The following EPC1 variants were observed in gnomAD, a reference collection of about 807,000 sequenced individuals.
EPC1 encodes the protein enhancer of polycomb 1.
Under a neutral mutation model 98.4 loss-of-function variants are expected in EPC1, and 12 were observed. That is an observed-to-expected ratio of 0.12 (90% CI 0.08 to 0.20). The LOEUF (loss-of-function observed/expected upper bound fraction) is 0.20, where lower values mean the gene tolerates loss of function less well. Ranked by LOEUF, EPC1 falls within the 10% of genes least tolerant of loss-of-function variation. EPC1 has a pLI of 1.00. For synonymous variants in EPC1, 357 were observed against 363.9 expected (o/e 0.98, Z 0.21); for missense variants, 729 against 990.5 (o/e 0.74, Z 3.54).
upstream of EPC1, among the ~76,000 whole-genome samples, chr10:32,347,762 C>T (rs1838953395): frequency 6.6e-6 from 1 of 152,236 alleles, no homozygotes; most frequent in Non-Finnish European, 1.5e-5. Context: ...GCAGATGCTA[C>T]TTTGAGTAAA....
intron 10 of EPC1, chr10:32,283,826 C>A (rs1304949441): frequency 6.6e-6 from 1 of 152,096 alleles, no homozygotes; most frequent in Non-Finnish European, 1.5e-5. Flanking sequence ...TTGGGGGGTG[C>A]CCCTAACCCT....
At position 32,355,463 on chromosome 10, in the gene EPC1, G is replaced by A. The variant is rs981061494; in HGVS notation, c.3+23028C>T. Among the ~76,000 whole-genome samples the A allele has an allele frequency of 6.6e-5, 10 of 152,156 alleles. No individual in the cohort carries two copies. In the South Asian group the frequency reaches 1.9e-3, roughly 28 times the overall value. On this transcript the variant is annotated intron_variant, in intron 1 of 13. Coordinates refer to the EPC1 transcript ENST00000375110. The stretch of plus-strand genomic sequence containing the variant: ...ATATTTGGTGGTATTTATCTAAACT[G>A]GATTACGTTAAATTACTGTCAACCC...
chr10:32,299,929 T>A (rs1009502321), intron 2 of EPC1, among the ~76,000 whole-genome samples: 5 of 152,146 alleles, frequency 3.3e-5, no homozygotes, highest in Non-Finnish European at 5.9e-5. Flanking sequence ...TTTTTTTTAT[T>A]TTGAGACGGA....
At chr10:32,354,800 A>C (rs568481029) in intron 1 of EPC1, among the ~76,000 whole-genome samples, 2 of 152,150 alleles carry the variant, frequency 1.3e-5, no homozygotes, top group East Asian at 3.9e-4. Flanking sequence ...CCCAAGCTTC[A>C]CCCGGCATTA....
chr10:32,286,658 A>C (rs777475572), intron 9 of EPC1, 36 bp downstream of exon 9: 5 of 1,610,380 alleles, frequency 3.1e-6, no homozygotes, highest in Non-Finnish European at 3.4e-6. Flanking sequence ...CTAATGCCTA[A>C]AATATCCTTC....
intron 1 of EPC1, among the ~76,000 whole-genome samples, chr10:32,320,929 C>A (rs1337478823): frequency 6.6e-6 from 1 of 151,890 alleles, no homozygotes; most frequent in African/African-American, 2.4e-5. Context: ...TTTGGTGGGA[C>A]CTGATCTTTA....
intron 2 of EPC1, among the ~76,000 whole-genome samples, chr10:32,297,234 T>C (rs1179883205): frequency 6.6e-6 from 1 of 151,960 alleles, no homozygotes; most frequent in Admixed American, 6.6e-5. Flanking sequence ...GGTCATCTTT[T>C]CTAATTAAGT....
Position 32,268,989 on chromosome 10 carries a change from T to A in EPC1, c.*74A>T. On this transcript the variant is annotated 3_prime_UTR_variant, in exon 14 of 14. Coordinates refer to ENST00000319778, the MANE Select transcript of EPC1 (RefSeq NM_001272004.3). ...GAAACGCATGTGCTGCTTTCCATCA[T>A]CCCTTGCATTCAAAATGCTACTGAT... 5 of 1,236,102 alleles carry A rather than the reference T, an allele frequency of 4.0e-6. No individual in the cohort carries two copies. Among genetic ancestry groups the A allele is most frequent in the African/African-American group, 1.5e-5 (1 of 67,032 alleles). The allele number at this position is 1,236,102 out of a possible 1,614,324, so 76.6% of individuals were successfully genotyped here.
At chr10:32,341,257 C>T (rs1838326148) in intron 1 of EPC1, among the ~76,000 whole-genome samples, 1 of 152,100 alleles carries the variant, frequency 6.6e-6, no homozygotes, top group South Asian at 2.1e-4. Context: ...GAAATCACAT[C>T]TTTACATACA....
chr10:32,373,395 GT>G (rs1160002854), intron 1 of EPC1, among the ~76,000 whole-genome samples: 9 of 152,112 alleles, frequency 5.9e-5, no homozygotes, highest in Non-Finnish European at 1.0e-4. Context: ...AGATACTAAT[GT>G]TTTAATCACT....
chr10:32,375,310 C>T (rs992665921), intron 1 of EPC1, among the ~76,000 whole-genome samples: 1 of 152,052 alleles, frequency 6.6e-6, no homozygotes, highest in Non-Finnish European at 1.5e-5. Flanking sequence ...ATATTTTTAG[C>T]ATTTTATGTT....
chr10:32,292,321 GA>G (rs1564528668), intron 5 of EPC1, 174 bp downstream of exon 5: 2 of 431,230 alleles, frequency 4.6e-6, no homozygotes. Flanking sequence ...CACTTTTAAA[GA>G]AAATAGAGGA....
chr10:32,292,115 G>C (rs1335738822), intron 5 of EPC1: 1 of 152,692 alleles, frequency 6.5e-6, no homozygotes, highest in African/African-American at 2.4e-5. Context: ...CCAAATGCTT[G>C]AGTGGTAAGA....
At chr10:32,309,493 C>CTTTTTTTT (rs67775039) in intron 1 of EPC1, among the ~76,000 whole-genome samples, 9 of 142,438 alleles carry the variant, frequency 6.3e-5, no homozygotes, top group Non-Finnish European at 6.0e-5. Flanking sequence ...TATTTTCAAG[C>CTTTTTTTT]TTTTTTTTTT....
intron 6 of EPC1, 127 bp from the exon 7 acceptor site, chr10:32,287,401 ACT>A (rs1592549800): frequency 1.1e-6 from 1 of 914,404 alleles, no homozygotes; most frequent in South Asian, 1.7e-5. Flanking sequence ...GAGACACAAC[ACT>A]CTATGTTTGG....
At chr10:32,314,786 C>T (rs12250721) in intron 1 of EPC1, among the ~76,000 whole-genome samples, 2,763 of 152,284 alleles carry the variant, frequency 0.018, 83 homozygotes, top group African/African-American at 0.062. Context: ...TATCTGGAGG[C>T]ATAGGTTTTG....
chr10:32,293,332 G>A, intron 3 of EPC1, 138 bp from the exon 4 acceptor site: 2 of 754,352 alleles, frequency 2.7e-6, no homozygotes, highest in Non-Finnish European at 4.2e-6. Context: ...CATTATGCCT[G>A]TCAGTCACTG....
At chr10:32,339,724 AGT>A (rs1838214431) in intron 1 of EPC1, among the ~76,000 whole-genome samples, 1 of 152,200 alleles carries the variant, frequency 6.6e-6, no homozygotes, top group Non-Finnish European at 1.5e-5. Flanking sequence ...AAATTCTATT[AGT>A]GTTTGGTAAT....
At chr10:32,364,002 ATTTTT>A (rs35887256) in intron 1 of EPC1, among the ~76,000 whole-genome samples, 1 of 69,274 alleles carries the variant, frequency 1.4e-5, no homozygotes, top group African/African-American at 6.6e-5. Flanking sequence ...TCATGTTGGC[ATTTTT>A]TTTTTTTTTT....
Sources: allele counts gnomAD v4.1 joint callset (sites outside exome capture counted in the v4.1 genomes callset), GRCh38; gene constraint gnomAD v4.1.1; transcripts MANE v1.5; gene names NCBI Gene and HGNC (gene_info 2026-07-23, HGNC 2026-07-21).